BRD1: variants seen among roughly 807,000 people sequenced by gnomAD.
BRD1 encodes the protein bromodomain containing 1.
A neutral mutation model predicts 107.7 loss-of-function variants in BRD1; 24 were observed. That is an observed-to-expected ratio of 0.22 (90% CI 0.16 to 0.31). The LOEUF is 0.31. Among genes scored for constraint, BRD1 ranks in the 10% least tolerant of loss-of-function variants. The probability of loss-of-function intolerance (pLI) is 1.00; values close to 1 mark genes in which losing one functional copy is unlikely to be tolerated. For synonymous variants in BRD1, 744 were observed against 686.1 expected, an observed-to-expected ratio of 1.08 and a Z score of -1.32; for missense variants, 1,279 against 1,638.6, an observed-to-expected ratio of 0.78 and a Z score of 3.79.
At chr22:49,795,618 A>C (rs987149031) in intron 6 of BRD1, among the ~76,000 whole-genome samples, 1 of 152,252 alleles carries the variant, frequency 6.6e-6, no homozygotes, top group African/African-American at 2.4e-5. Context: ...GCTGCTAAGA[A>C]GACAGGGAGT....
chr22:49,776,043 T>G lies in BRD1; in HGVS notation c.3231+7A>C. On this transcript the variant is annotated splice_region_variant and intron_variant, in intron 11 of 12. Coordinates refer to ENST00000404760, the MANE Select transcript of BRD1 (RefSeq NM_001304808.3). ...GGACCCGCAGGCGCCACGAGAGCCGTACTCACCAGTGCCGGGTAGGAGGGG... is the reference window on the plus strand; with the variant it reads ...GGACCCGCAGGCGCCACGAGAGCCGGACTCACCAGTGCCGGGTAGGAGGGG... 1 of 1,539,574 alleles carries G rather than the reference T, an allele frequency of 6.5e-7. No individual in the cohort carries two copies. Among genetic ancestry groups the G allele is most frequent in the South Asian group, 1.1e-5 (1 of 88,454 alleles).
chr22:49,824,587 C>A lies in BRD1; in HGVS notation c.-14-256G>T, dbSNP rs560046352. 5.3e-6 allele frequency: 7 copies of A among 1,314,038 alleles called. No homozygotes were observed. The African/African-American group carries it at 7.4e-5, about 14-fold the overall frequency. The allele number at this position is 1,314,038 out of a possible 1,614,324, so 81.4% of individuals were successfully genotyped here. A position where few individuals can be genotyped will look rare whatever the true frequency, so the allele number is the denominator to read the frequency against. On this transcript the variant is annotated intron_variant, in intron 1 of 12. Transcript: ENST00000404760. The surrounding 1 kb of genome is among the most constrained non-coding windows in gnomAD (Gnocchi z 5.9). ...CTCCTGAGCACCTGCGTCCCTACCA[C>A]CACACACCAGTCCCCTCTCAGACCA... is the stretch of plus-strand genomic sequence containing the variant.
chr22:49,817,296 A>ACCC (rs1174858928), intron 2 of BRD1: 2 of 193,760 alleles, frequency 1.0e-5, no homozygotes, highest in African/African-American at 2.4e-5. Context: ...GGGGTGCATG[A>ACCC]CTGTTCATGA....
At position 49,787,072 on chromosome 22, in the gene BRD1, ACT is replaced by A. The variant is rs371555832; in HGVS notation, c.2857+316_2857+317del. Among the ~76,000 whole-genome samples, 248 of 151,676 alleles carry A rather than the reference ACT, an allele frequency of 1.6e-3. 1 individual carries two copies. Among genetic ancestry groups the A allele is most frequent in the African/African-American group, 5.4e-3 (224 of 41,372 alleles). On this transcript the variant is annotated intron_variant, in intron 8 of 12. Coordinates refer to ENST00000404760, the MANE Select transcript of BRD1 (RefSeq NM_001304808.3). ...ACTCCAGCCTGGGTGACAAAGCAAG[ACT>A]CTCTTAAAAAAAAATCAGAGAGGAA... is the stretch of plus-strand genomic sequence containing the variant.
rs768641443 is a variant in BRD1, at chr22:49,777,102, T to C, written c.3053A>G (p.Glu1018Gly). Residue 1018 changes from glutamate to glycine, a missense_variant, in exon 10 of 13, where the codon GAG becomes GGG. Glu to Gly is a moderately conservative substitution (Grantham distance 98). Around this residue, in one of 7 missense-constraint regions of BRD1, gnomAD observed 263 missense variants for 251.6 expected, o/e 1.05. Coordinates refer to ENST00000404760, the MANE Select transcript of BRD1 (RefSeq NM_001304808.3). The part of the protein sequence containing the change: ...KPALVRRHTL[E>G]DRSELISCIE... Reference sequence around the variant, plus strand: ...GCAGGAGATCAGCTCACTGCGGTCCTCCAGCGTGTGCCGTCGCACAAGAGC... The same window carrying C: ...GCAGGAGATCAGCTCACTGCGGTCCCCCAGCGTGTGCCGTCGCACAAGAGC... 3 of 1,613,372 alleles carry C rather than the reference T, an allele frequency of 1.9e-6. No homozygotes were observed. The South Asian group carries it at 3.3e-5, about 18-fold the overall frequency.
At chr22:49,782,081 C>T (rs998539844) in intron 8 of BRD1, among the ~76,000 whole-genome samples, 1 of 150,566 alleles carries the variant, frequency 6.6e-6, no homozygotes, top group Admixed American at 6.6e-5. Flanking sequence ...GGACCCGCTC[C>T]GTGACAATGC....
intron 7 of BRD1, among the ~76,000 whole-genome samples, chr22:49,793,663 A>G (rs949145183): frequency 6.6e-6 from 1 of 152,268 alleles, no homozygotes; most frequent in South Asian, 2.1e-4. Context: ...ACAAAATGCA[A>G]CAAAAACATT....
At position 49,827,850 on chromosome 22, in the gene BRD1, G is replaced by A. The variant is rs2060163476; in HGVS notation, c.-368C>T. Among the ~76,000 whole-genome samples the A allele has an allele frequency of 6.9e-6, 1 of 145,182 alleles. No homozygotes were observed. The highest frequency in any genetic ancestry group is 1.5e-5 in the Non-Finnish European group (1 of 65,606). On this transcript the variant is annotated 5_prime_UTR_variant, in exon 1 of 13. Transcript: ENST00000404760. ...GACTCCAGGGCCGGGTCGCTCGCTC[G>A]CTCCCCAGCGAAGCAAACAATGCGG...
chr22:49,777,274 C>T, intron 9 of BRD1, 113 bp from the exon 10 acceptor site: 1 of 1,508,936 alleles, frequency 6.6e-7, no homozygotes, highest in Admixed American at 1.8e-5. Context: ...CTGCCTGACA[C>T]CCCCGCGGCC....
chr22:49,798,448 T>C lies in BRD1; in HGVS notation c.1785+110A>G, dbSNP rs1329979673. The C allele has an allele frequency of 1.8e-5, 28 of 1,515,466 alleles. 1 individual carries two copies. The highest frequency in any genetic ancestry group is 3.9e-5 in the Admixed American group (2 of 51,698). 93.9% of individuals were successfully genotyped at this position (1,515,466 alleles called of 1,614,324 possible). A position where few individuals can be genotyped will look rare whatever the true frequency, so the allele number is the denominator to read the frequency against. ...CAAATACGTTAAATAAAAACGAGAA[T>C]TAAGAACACAAGGGATGTACTCTAG... On this transcript the variant is annotated intron_variant, in intron 5 of 12. Coordinates refer to ENST00000404760, the MANE Select transcript of BRD1 (RefSeq NM_001304808.3).
chr22:49,801,983 C>T (rs527403350), intron 3 of BRD1, among the ~76,000 whole-genome samples: 4 of 152,362 alleles, frequency 2.6e-5, no homozygotes, highest in African/African-American at 9.6e-5. Flanking sequence ...TCCCGTTTGG[C>T]CACATCCATG....
At position 49,824,353 on chromosome 22, in the gene BRD1, A is replaced by G; in HGVS notation, c.-14-22T>C. ...TTACCTAAAATGAAGGCAAAAGTAAAGGTAATTCTACGCAGGGTGACCAAA... is the reference window on the plus strand; with the variant it reads ...TTACCTAAAATGAAGGCAAAAGTAAGGGTAATTCTACGCAGGGTGACCAAA... On this transcript the variant is annotated intron_variant, in intron 1 of 12. Transcript: ENST00000404760. The surrounding 1 kb of genome is among the most constrained non-coding windows in gnomAD (Gnocchi z 5.9). 1 of 1,606,708 alleles carries G rather than the reference A, an allele frequency of 6.2e-7. No homozygotes were observed. The highest frequency in any genetic ancestry group is 8.5e-7 in the Non-Finnish European group (1 of 1,175,350).
At chr22:49,787,223 A>G (rs1384441757) in intron 8 of BRD1, among the ~76,000 whole-genome samples, 167 bp downstream of exon 8, 1 of 151,842 alleles carries the variant, frequency 6.6e-6, no homozygotes, top group African/African-American at 2.4e-5. Context: ...CCCGCAACTC[A>G]AGGCTTTTCA....
intron 5 of BRD1, 93 bp downstream of exon 5, chr22:49,798,465 G>A: frequency 1.3e-6 from 2 of 1,574,060 alleles, no homozygotes; most frequent in Non-Finnish European, 1.7e-6. Flanking sequence ...CACAAGGGAT[G>A]TACTCTAGCC....
chr22:49,809,667 A>G (rs74413624), intron 2 of BRD1, among the ~76,000 whole-genome samples: 2 of 152,162 alleles, frequency 1.3e-5, no homozygotes, highest in African/African-American at 2.4e-5. Context: ...CTGCTGACCG[A>G]TCAGCTGAAC....
chr22:49,819,021 G>T (rs2060011133), intron 2 of BRD1, among the ~76,000 whole-genome samples: 1 of 151,876 alleles, frequency 6.6e-6, no homozygotes, highest in South Asian at 2.1e-4. Flanking sequence ...ACTCTGGGAG[G>T]CCAAGGCAGG....
intron 2 of BRD1, among the ~76,000 whole-genome samples, chr22:49,808,404 T>C (rs1474316763): frequency 2.0e-5 from 3 of 152,200 alleles, no homozygotes; most frequent in Non-Finnish European, 4.4e-5. Flanking sequence ...ATGTGCTCAG[T>C]GCAATAAGCC....
intron 6 of BRD1, among the ~76,000 whole-genome samples, chr22:49,794,633 C>G (rs1259023083): frequency 3.3e-5 from 5 of 152,238 alleles, no homozygotes; most frequent in Non-Finnish European, 7.3e-5. Flanking sequence ...GGTGAGGGCA[C>G]AGCACACAGA....
At chr22:49,785,760 G>A (rs986085535) in intron 8 of BRD1, among the ~76,000 whole-genome samples, 10 of 152,200 alleles carry the variant, frequency 6.6e-5, no homozygotes, top group South Asian at 2.1e-4. Context: ...ATTCAGTTAC[G>A]TGCAAAATTT....
Sources: allele counts gnomAD v4.1 joint callset (sites outside exome capture counted in the v4.1 genomes callset), GRCh38; gene constraint gnomAD v4.1.1; regional missense constraint gnomAD v4.1.1; non-coding constraint Gnocchi (gnomAD v3.1); transcripts MANE v1.5; gene names NCBI Gene and HGNC (gene_info 2026-07-23, HGNC 2026-07-21).